Variants in HDAC9 observed in about 807,000 individuals in gnomAD.
HDAC9 encodes the protein histone deacetylase 9, also known as MEF-2 interacting transcription repressor (MITR) protein.
In HDAC9, 41 loss-of-function variants were observed where a neutral mutation model predicts 139.4. The observed-to-expected ratio is 0.29, with a 90% CI of 0.23 to 0.38. The LOEUF (loss-of-function observed/expected upper bound fraction) is 0.38, where lower values mean the gene tolerates loss of function less well. HDAC9 is among the 10% of genes least tolerant of loss of function. The pLI, the probability that HDAC9 is intolerant of heterozygous loss-of-function variation, is 1.00. For missense variants in HDAC9, 1,147 were observed against 1,297.0 expected (o/e 0.88, Z 1.78); for synonymous variants, 517 against 476.2 (o/e 1.09, Z -1.12).
At chr7:18,452,333 A>G (rs1287738178) in intron 1 of HDAC9, among the ~76,000 whole-genome samples, 1 of 152,136 alleles carries the variant, frequency 6.6e-6, no homozygotes, top group Non-Finnish European at 1.5e-5. Flanking sequence ...GTAAGAACAC[A>G]TACGCGTATG....
chr7:18,208,024 AT>A (rs1300885770), intron 2 of HDAC9, among the ~76,000 whole-genome samples: 16 of 152,010 alleles, frequency 1.1e-4, no homozygotes, highest in Non-Finnish European at 1.5e-4. Context: ...TATTTATGTT[AT>A]TTTTAAAAAG....
At chr7:18,864,226 TAAC>T (rs2129237110) in intron 21 of HDAC9, among the ~76,000 whole-genome samples, 1 of 152,300 alleles carries the variant, frequency 6.6e-6, no homozygotes, top group African/African-American at 2.4e-5. Flanking sequence ...CTGCCATATG[TAAC>T]AACATGGATG....
At chr7:18,543,215 CATCATAA>C (rs899877517) in intron 2 of HDAC9, 1 of 152,100 alleles carries the variant, frequency 6.6e-6, no homozygotes, top group African/African-American at 2.4e-5. Context: ...GATTCTGATA[CATCATAA>C]ATAGAGGGAC....
chr7:18,493,669 A>G (rs1796523485), upstream of HDAC9, among the ~76,000 whole-genome samples: 1 of 151,978 alleles, frequency 6.6e-6, no homozygotes, highest in Admixed American at 6.6e-5. Flanking sequence ...TTATTTCACA[A>G]GGTATAGGTG....
intron 17 of HDAC9, among the ~76,000 whole-genome samples, chr7:18,821,551 A>G (rs528829633): frequency 4.3e-4 from 66 of 152,350 alleles, no homozygotes; most frequent in African/African-American, 1.6e-3. Context: ...TGCAGCGGGA[A>G]AAGGAAGATC....
intron 2 of HDAC9, among the ~76,000 whole-genome samples, chr7:18,187,181 C>A (rs911106349): frequency 6.6e-6 from 1 of 152,082 alleles, no homozygotes; most frequent in Non-Finnish European, 1.5e-5. Context: ...TAAAGGCGGG[C>A]AAAAATGAAA....
At chr7:18,215,517 T>C (rs572786192) in intron 2 of HDAC9, among the ~76,000 whole-genome samples, 7 of 152,300 alleles carry the variant, frequency 4.6e-5, no homozygotes, top group East Asian at 3.9e-4. Flanking sequence ...TCTTTTACCA[T>C]GTGAAGGATT....
At chr7:18,862,378 C>T (rs1299694122) in intron 21 of HDAC9, among the ~76,000 whole-genome samples, 1 of 152,058 alleles carries the variant, frequency 6.6e-6, no homozygotes, top group Non-Finnish European at 1.5e-5. Flanking sequence ...CTAAATGAAT[C>T]CCCCCAGTCT....
chr7:18,288,805 T>C (rs573934604), upstream of HDAC9, among the ~76,000 whole-genome samples: 12 of 152,184 alleles, frequency 7.9e-5, no homozygotes, highest in Middle Eastern at 3.4e-3. Flanking sequence ...AAATAAGTTA[T>C]GCCTAGACTG....
chr7:18,662,681 T>C (rs557687916), intron 11 of HDAC9, among the ~76,000 whole-genome samples: 3 of 152,108 alleles, frequency 2.0e-5, no homozygotes, highest in African/African-American at 7.2e-5. Flanking sequence ...GCTTCCATTT[T>C]CTCAATGAAA....
chr7:18,330,885 A>G (rs1477718321), intron 1 of HDAC9, among the ~76,000 whole-genome samples: 1 of 151,752 alleles, frequency 6.6e-6, no homozygotes, highest in Non-Finnish European at 1.5e-5. Flanking sequence ...GCAGAACAGT[A>G]AGTTTAGCAT....
intron 1 of HDAC9, among the ~76,000 whole-genome samples, chr7:18,123,153 G>A (rs1411436785): frequency 6.6e-6 from 1 of 152,100 alleles, no homozygotes. Flanking sequence ...ATGGAAGCTG[G>A]TAGGCTATCT....
chr7:18,903,184 G>A (rs946308824), intron 22 of HDAC9, among the ~76,000 whole-genome samples: 1 of 152,242 alleles, frequency 6.6e-6, no homozygotes, highest in African/African-American at 2.4e-5. Context: ...ACTATAGCAA[G>A]GGCTGTGGAA....
At chr7:18,192,425 C>T (rs1477208925) in intron 2 of HDAC9, among the ~76,000 whole-genome samples, 1 of 152,084 alleles carries the variant, frequency 6.6e-6, no homozygotes, top group African/African-American at 2.4e-5. Context: ...TGCAAAACCT[C>T]TTGTGCTCAC....
intron 1 of HDAC9, among the ~76,000 whole-genome samples, chr7:18,371,107 G>T (rs1251784084): frequency 6.6e-6 from 1 of 152,142 alleles, no homozygotes; most frequent in Non-Finnish European, 1.5e-5. Flanking sequence ...TGAATTATGT[G>T]TGGAAAGGGG....
intron 1 of HDAC9, among the ~76,000 whole-genome samples, chr7:18,367,490 T>C (rs1784278403): frequency 6.6e-6 from 1 of 152,178 alleles, no homozygotes; most frequent in Non-Finnish European, 1.5e-5. Context: ...ATATATAAAC[T>C]ATAATGTTAG....
chr7:18,365,339 A>G (rs901645979), intron 1 of HDAC9, among the ~76,000 whole-genome samples: 1 of 152,128 alleles, frequency 6.6e-6, no homozygotes, highest in African/African-American at 2.4e-5. Context: ...TGAGGCCAAC[A>G]TAATATTAAC....
intron 13 of HDAC9, among the ~76,000 whole-genome samples, chr7:18,746,394 C>T (rs898887653): frequency 6.6e-5 from 10 of 152,148 alleles, no homozygotes; most frequent in Non-Finnish European, 2.9e-5. Context: ...GCTTCCTTTT[C>T]TGCCTTCCTT....
intron 22 of HDAC9, among the ~76,000 whole-genome samples, chr7:18,905,908 TTTC>T (rs899899308): frequency 4.6e-5 from 7 of 151,822 alleles, no homozygotes; most frequent in African/African-American, 1.2e-4. Context: ...CCTTCTTTTC[TTTC>T]TTTTCTTTCT....
Sources: allele counts gnomAD v4.1 joint callset (sites outside exome capture counted in the v4.1 genomes callset), GRCh38; gene constraint gnomAD v4.1.1; transcripts MANE v1.5; gene names NCBI Gene and HGNC (gene_info 2026-07-23, HGNC 2026-07-21).